Variants in DENND2C observed in about 807,000 individuals in gnomAD.
DENND2C encodes DENN domain containing 2C, also known as DENN domain-containing protein 2C.
Under a neutral mutation model 112.4 loss-of-function variants are expected in DENND2C, and 72 were observed. The ratio of observed to expected loss-of-function variants is 0.64; its 90% CI spans 0.53 to 0.78. The LOEUF (loss-of-function observed/expected upper bound fraction) is 0.78. DENND2C is among the 30% of genes least tolerant of loss of function. DENND2C has a pLI of 0.00. For missense variants in DENND2C, 992 were observed against 1,113.8 expected (o/e 0.89, Z 1.56); for synonymous variants, 329 against 381.6 (o/e 0.86, Z 1.61).
At chr1:114,587,650 A>G (rs1209053259) in intron 19 of DENND2C, 66 bp downstream of exon 19, 9 of 1,464,024 alleles carry the variant, frequency 6.1e-6, no homozygotes, top group Non-Finnish European at 8.4e-6. Flanking sequence ...CTTTTTATTC[A>G]TAATATAGTA....
chr1:114,658,665 A>G (rs530893156), intron 1 of DENND2C, among the ~76,000 whole-genome samples: 4 of 152,170 alleles, frequency 2.6e-5, no homozygotes, highest in East Asian at 3.9e-4. Context: ...GCAGCAAAAA[A>G]TAATGAAAGA....
rs1455758164 is a variant in DENND2C, at chr1:114,585,012, A to G, written c.*588T>C. Reference sequence around the variant, plus strand: ...ATTTTATAAGGTACTTAATAACAGTACCTTATAATATTACAAGTAGGGCTT... The same window carrying G: ...ATTTTATAAGGTACTTAATAACAGTGCCTTATAATATTACAAGTAGGGCTT... On this transcript the variant is annotated 3_prime_UTR_variant, in exon 21 of 21. Coordinates refer to ENST00000393274, the MANE Select transcript of DENND2C (RefSeq NM_001256404.2). 1 of 152,204 alleles carries G rather than the reference A, an allele frequency of 6.6e-6. No individual in the cohort carries two copies. Among genetic ancestry groups the G allele is most frequent in the African/African-American group, 2.4e-5 (1 of 41,430 alleles). The allele number at this position is 152,204 out of a possible 1,614,324, so 9.4% of individuals were successfully genotyped here. A position where few individuals can be genotyped will look rare whatever the true frequency, so the allele number is the denominator to read the frequency against.
Position 114,622,053 on chromosome 1 carries a change from G to A in DENND2C, c.1069C>T (p.Pro357Ser). 1 of 1,540,398 alleles carries A rather than the reference G, an allele frequency of 6.5e-7. No individual in the cohort carries two copies. The highest frequency in any genetic ancestry group is 1.2e-5 in the South Asian group (1 of 82,328). Reference protein sequence around the residue: ...AFKAPKLPPKPQFLHRKTMEV... With the variant: ...AFKAPKLPPKSQFLHRKTMEV... ...ATAGTCTTCCGGTGAAGGAACTGAGGTTTTGGAGGGAGCTAAAACAGGAGA... is the reference window on the plus strand; with the variant it reads ...ATAGTCTTCCGGTGAAGGAACTGAGATTTTGGAGGGAGCTAAAACAGGAGA... The change falls in exon 7 of 21, where the codon CCT (proline) becomes TCT (serine). Residue 357 changes from proline to serine, a missense_variant. By Grantham distance (74) the Pro-to-Ser change is moderately conservative. Coordinates refer to ENST00000393274, the MANE Select transcript of DENND2C (RefSeq NM_001256404.2).
intron 1 of DENND2C, among the ~76,000 whole-genome samples, chr1:114,661,292 TAAG>T (rs961602154): frequency 2.6e-5 from 4 of 152,110 alleles, no homozygotes; most frequent in African/African-American, 7.2e-5. Context: ...ATGTCATCAC[TAAG>T]AAGTATAATT....
At chr1:114,648,696 G>T (rs1168063689) in intron 2 of DENND2C, among the ~76,000 whole-genome samples, 1 of 152,036 alleles carries the variant, frequency 6.6e-6, no homozygotes, top group African/African-American at 2.4e-5. Flanking sequence ...CCCAGACTTA[G>T]GGAAGTACAG....
intron 1 of DENND2C, among the ~76,000 whole-genome samples, chr1:114,659,776 C>A (rs1428889673): frequency 1.7e-5 from 1 of 60,412 alleles, no homozygotes; most frequent in Non-Finnish European, 3.0e-5. Context: ...GTCTTCCTTC[C>A]TTCCTTCCCT....
chr1:114,652,661 CTTTTTTT>C (rs55647145), intron 2 of DENND2C, among the ~76,000 whole-genome samples: 20 of 109,826 alleles, frequency 1.8e-4, no homozygotes, highest in East Asian at 3.1e-4. Context: ...CTTACATTTA[CTTTTTTT>C]TTTTTTTTTT....
intron 3 of DENND2C, among the ~76,000 whole-genome samples, chr1:114,630,400 T>C (rs1470035236): frequency 6.6e-6 from 1 of 152,132 alleles, no homozygotes; most frequent in Admixed American, 6.6e-5. Context: ...TAGGCTTGCC[T>C]TTCCCACATC....
intron 20 of DENND2C, 119 bp downstream of exon 20, chr1:114,587,268 A>T (rs892704993): frequency 2.7e-6 from 3 of 1,112,714 alleles, no homozygotes; most frequent in Non-Finnish European, 2.7e-6. Flanking sequence ...GCTGGTCTCA[A>T]ACTCCTGGCC....
intron 18 of DENND2C, among the ~76,000 whole-genome samples, chr1:114,593,070 C>G (rs1187141646): frequency 6.6e-6 from 1 of 152,080 alleles, no homozygotes; most frequent in East Asian, 1.9e-4. Flanking sequence ...TAGGTTCAAG[C>G]AATCCTCCTG....
intron 1 of DENND2C, among the ~76,000 whole-genome samples, chr1:114,668,399 G>A (rs959088476): frequency 7.9e-5 from 12 of 152,040 alleles, no homozygotes; most frequent in African/African-American, 2.9e-4. Flanking sequence ...TATAACTTAA[G>A]ACTCACTACA....
Position 114,645,452 on chromosome 1 carries a change from T to G in DENND2C, c.-209A>C, listed in dbSNP as rs1656954327. 1.3e-5 allele frequency: 2 copies of G among 152,228 alleles called. No homozygotes were observed. Among genetic ancestry groups the G allele is most frequent in the Non-Finnish European group, 2.9e-5 (2 of 68,044 alleles). The allele number at this position is 152,228 out of a possible 1,614,324, so 9.4% of individuals were successfully genotyped here. ...CAGGCCTCACAAGAAACTTACCCTGTTGGCACCTTGATGTTAGATTTCTAC... is the reference window on the plus strand; with the variant it reads ...CAGGCCTCACAAGAAACTTACCCTGGTGGCACCTTGATGTTAGATTTCTAC... On this transcript the variant is annotated 5_prime_UTR_variant, in exon 3 of 21. Coordinates refer to ENST00000393274, the MANE Select transcript of DENND2C (RefSeq NM_001256404.2).
intron 7 of DENND2C, among the ~76,000 whole-genome samples, chr1:114,621,128 A>G (rs1656151316): frequency 6.6e-6 from 1 of 152,218 alleles, no homozygotes; most frequent in Non-Finnish European, 1.5e-5. Context: ...TTCTCCCAAA[A>G]GAAAATGTCT....
At chr1:114,605,880 C>T (rs1278428375) in intron 10 of DENND2C, among the ~76,000 whole-genome samples, 1 of 152,158 alleles carries the variant, frequency 6.6e-6, no homozygotes, top group Non-Finnish European at 1.5e-5. Context: ...TACCTAATTG[C>T]TGGTTTGGAA....
intron 11 of DENND2C, among the ~76,000 whole-genome samples, chr1:114,603,415 A>G (rs1045001821): frequency 6.6e-6 from 1 of 151,732 alleles, no homozygotes; most frequent in African/African-American, 2.4e-5. Flanking sequence ...GGCGTGAGCC[A>G]CAGCACCTGG....
At chr1:114,660,479 A>C (rs1657462394) in intron 1 of DENND2C, among the ~76,000 whole-genome samples, 1 of 152,128 alleles carries the variant, frequency 6.6e-6, no homozygotes, top group Non-Finnish European at 1.5e-5. Context: ...AGAAAGCAGG[A>C]GGATGTCTAT....
rs1656064555 is a variant in DENND2C at position 114,618,481 on chromosome 1, A to C, written c.1229T>G (p.Leu410Arg). ...ANTKRKNLPR[L>R]VLKIDDIFES... ...AAATATGTCATCTATTTTCAATACA[A>C]GCTGAAAAAAGACCAGAAAAATACA... Residue 410 changes from leucine (L) to arginine (R), a missense_variant and splice_region_variant, in exon 8 of 21, where the codon CTT (leucine) becomes CGT (arginine). Around this residue, in one of 3 missense-constraint regions of DENND2C, gnomAD observed 6 missense variants for 17.5 expected, o/e 0.34. Transcript: ENST00000393274. 1 of 1,548,604 alleles carries C rather than the reference A, an allele frequency of 6.5e-7. No individual in the cohort carries two copies.
chr1:114,588,256 A>T (rs1225943781), intron 18 of DENND2C, among the ~76,000 whole-genome samples: 1 of 152,184 alleles, frequency 6.6e-6, no homozygotes, highest in South Asian at 2.1e-4. Context: ...GCCAAATTTA[A>T]TCTGCTTTTC....
intron 10 of DENND2C, among the ~76,000 whole-genome samples, chr1:114,607,051 G>A (rs1655677199): frequency 6.6e-6 from 1 of 152,202 alleles, no homozygotes; most frequent in African/African-American, 2.4e-5. Flanking sequence ...CAATGCCTGT[G>A]CCCAGCCAGG....
Sources: allele counts gnomAD v4.1 joint callset (sites outside exome capture counted in the v4.1 genomes callset), GRCh38; gene constraint gnomAD v4.1.1; regional missense constraint gnomAD v4.1.1; transcripts MANE v1.5; gene names NCBI Gene and HGNC (gene_info 2026-07-23, HGNC 2026-07-21).